Variants in ADAM23 observed in about 807,000 individuals in gnomAD.
The protein encoded by ADAM23 is ADAM metallopeptidase domain 23.
ADAM23 carries 33 observed loss-of-function variants against 120.1 expected under a neutral mutation model. The ratio of observed to expected loss-of-function variants is 0.27; its 90% confidence interval spans 0.21 to 0.37. ADAM23 has a LOEUF of 0.37. Among genes scored for constraint, ADAM23 ranks in the 10% least tolerant of loss-of-function variants. ADAM23 has a pLI of 1.00. For missense variants in ADAM23, 862 were observed against 1,058.2 expected (o/e 0.81, Z 2.57); for synonymous variants, 367 against 375.2 (o/e 0.98, Z 0.25).
chr2:206,557,376 T>C, intron 9 of ADAM23, 51 bp from the exon 10 acceptor site: 4 of 1,402,052 alleles, frequency 2.9e-6, no homozygotes, highest in Non-Finnish European at 4.0e-6. Context: ...CATTTTGAAA[T>C]TTATTATTCA....
intron 3 of ADAM23, among the ~76,000 whole-genome samples, chr2:206,503,345 A>G (rs1042546984): frequency 6.6e-6 from 1 of 152,112 alleles, no homozygotes; most frequent in Non-Finnish European, 1.5e-5. Flanking sequence ...CTTGTCTGAA[A>G]GTTAAAGGAG....
At chr2:206,562,426 T>C in intron 13 of ADAM23, 133 bp downstream of exon 13, 1 of 648,072 alleles carries the variant, frequency 1.5e-6, no homozygotes, top group Non-Finnish European at 2.5e-6. Flanking sequence ...CTCTAAAATA[T>C]TTAGAAAATA....
intron 24 of ADAM23, chr2:206,605,942 T>C: frequency 1.7e-6 from 1 of 604,888 alleles, no homozygotes. Context: ...AGGCGATGCC[T>C]GTACCTGACT....
rs374150621 is a variant in ADAM23 at position 206,606,585 on chromosome 2, A to G, written c.2360-3325A>G. 12 of 152,312 alleles carry G rather than the reference A, an allele frequency of 7.9e-5. No homozygotes were observed. In the East Asian group the frequency reaches 2.1e-3, roughly 27 times the overall value. 9.4% of individuals were successfully genotyped at this position (152,312 alleles called of 1,614,324 possible). A position where few individuals can be genotyped will look rare whatever the true frequency, so the allele number is the denominator to read the frequency against. On this transcript the variant is annotated intron_variant, in intron 24 of 25. Transcript: ENST00000264377. ...TGGTGGGTTCGTCTTAAAAGTAGCC[A>G]GGGTGTAAATAAATATATTGTGTGC...
chr2:206,584,202 T>C (rs992711579), intron 18 of ADAM23, among the ~76,000 whole-genome samples: 1 of 152,136 alleles, frequency 6.6e-6, no homozygotes, highest in African/African-American at 2.4e-5. Context: ...AGAGTTCTGT[T>C]ATGTGAACTG....
chr2:206,543,356 C>T (rs1697331841), intron 6 of ADAM23, 40 bp downstream of exon 6: 2 of 1,507,588 alleles, frequency 1.3e-6, no homozygotes, highest in Non-Finnish European at 1.8e-6. Flanking sequence ...CGTTCTACTC[C>T]TCCAGCAACT....
At chr2:206,591,151 G>T (rs904308789) in intron 21 of ADAM23, among the ~76,000 whole-genome samples, 10 of 152,122 alleles carry the variant, frequency 6.6e-5, no homozygotes, top group African/African-American at 2.4e-4. Flanking sequence ...GGACAACATA[G>T]TGAGTCCTCA....
chr2:206,615,580 T>C (rs1698920016), intron 25 of ADAM23, among the ~76,000 whole-genome samples: 1 of 152,166 alleles, frequency 6.6e-6, no homozygotes, highest in African/African-American at 2.4e-5. Flanking sequence ...GCCTCCCTTG[T>C]AGAGGAGCTC....
In ADAM23 at chr2:206,594,765, A is replaced by G. The variant is rs1698490046; in HGVS notation, c.2107A>G (p.Thr703Ala). 2.5e-6 allele frequency: 4 copies of G among 1,614,046 alleles called. No homozygotes were observed. The highest frequency in any genetic ancestry group is 1.7e-5 in the Admixed American group (1 of 59,992). Residue 703 changes from threonine (T) to alanine (A), a missense_variant, in exon 23 of 26, where the codon ACG (threonine) becomes GCG (alanine). By Grantham distance (58) the Thr-to-Ala change is moderately conservative (BLOSUM62 0). Transcript: ENST00000264377. ...SGAHVVLDDD[T>A]DVGYVEDGTP... ...TGCCCATGTAGTTTTAGATGATGAT[A>G]CGGATGTGGGCTATGTAGAAGATGG...
chr2:206,495,703 G>C lies in ADAM23; in HGVS notation c.509+14395G>C, dbSNP rs1696230214. On this transcript the variant is annotated intron_variant, in intron 3 of 25. Transcript: ENST00000264377. The stretch of plus-strand genomic sequence containing the variant: ...ATGCTCCAATTAAAAGGCACAGACT[G>C]GCAAATTGGGTAAAGAGTCAAGACC... 2.6e-5 allele frequency among the ~76,000 whole-genome samples: 4 copies of C among 152,238 alleles called. No individual in the cohort carries two copies. The South Asian group carries it at 8.3e-4, about 32-fold the overall frequency.
At position 206,549,633 on chromosome 2, in the gene ADAM23, G is replaced by A. The variant is rs151131049; in HGVS notation, c.868-462G>A. Among the ~76,000 whole-genome samples the A allele has an allele frequency of 1.8e-4, 28 of 152,002 alleles. No homozygotes were observed. In the East Asian group the frequency reaches 5.2e-3, roughly 28 times the overall value. On this transcript the variant is annotated intron_variant, in intron 8 of 25. Transcript: ENST00000264377. ...GTTAATGTTTCTATTTAACTACATT[G>A]ATATCTGTATCAGATATATCTGGAA...
At chr2:206,569,831 T>C (rs1035892527) in intron 15 of ADAM23, among the ~76,000 whole-genome samples, 1 of 152,182 alleles carries the variant, frequency 6.6e-6, no homozygotes, top group Non-Finnish European at 1.5e-5. Context: ...CAGTTCTTTC[T>C]CAGGTGAATT....
At chr2:206,605,261 AT>A (rs1698707606) in intron 24 of ADAM23, among the ~76,000 whole-genome samples, 1 of 152,260 alleles carries the variant, frequency 6.6e-6, no homozygotes, top group Admixed American at 6.5e-5. Context: ...TTGCAGACTT[AT>A]CTGAAATACG....
chr2:206,507,245 C>T (rs1050853100), intron 3 of ADAM23, among the ~76,000 whole-genome samples: 4 of 152,134 alleles, frequency 2.6e-5, no homozygotes, highest in African/African-American at 9.7e-5. Flanking sequence ...AATGTCATGT[C>T]GAATTGTAAT....
intron 18 of ADAM23, among the ~76,000 whole-genome samples, chr2:206,585,693 C>G (rs1270895053): frequency 6.6e-6 from 1 of 152,014 alleles, no homozygotes. Flanking sequence ...GTTGTAGGTA[C>G]TAGGGCAGCA....
chr2:206,578,745 C>T (rs1037020147), intron 18 of ADAM23, among the ~76,000 whole-genome samples: 1 of 152,046 alleles, frequency 6.6e-6, no homozygotes, highest in Non-Finnish European at 1.5e-5. Flanking sequence ...GTCTTTTCCT[C>T]GGGGTAGATA....
At chr2:206,594,451 T>C (rs1314133311) in intron 22 of ADAM23, among the ~76,000 whole-genome samples, 1 of 152,212 alleles carries the variant, frequency 6.6e-6, no homozygotes, top group African/African-American at 2.4e-5. Context: ...CCTTTAGTCT[T>C]AATGTTGGGT....
chr2:206,522,640 T>G (rs991005631), intron 3 of ADAM23, among the ~76,000 whole-genome samples: 1 of 152,174 alleles, frequency 6.6e-6, no homozygotes, highest in Non-Finnish European at 1.5e-5. Context: ...TTTATAGTTA[T>G]GTTAATAAAT....
chr2:206,537,337 G>A lies in ADAM23; in HGVS notation c.574-4715G>A, dbSNP rs1435411774. ...GATCAGGTGGAGTAGGTCTCTGTGC[G>A]CGTGGCTCCTGGCTGGGAGGTAGGG... On this transcript the variant is annotated intron_variant, in intron 4 of 25. Coordinates refer to ENST00000264377, the MANE Select transcript of ADAM23 (RefSeq NM_003812.4). Among the ~76,000 whole-genome samples, 5 of 152,160 alleles carry A rather than the reference G, an allele frequency of 3.3e-5. No individual in the cohort carries two copies. The South Asian group carries it at 6.2e-4, about 19-fold the overall frequency.
Sources: gnomAD v4.1 joint callset for allele counts (sites outside exome capture counted in the v4.1 genomes callset) on GRCh38, gnomAD v4.1.1 for gene constraint, MANE v1.5 for transcripts, NCBI Gene and HGNC (gene_info 2026-07-23, HGNC 2026-07-21) for gene names.